The following ACOX1 variants were observed in gnomAD, a reference collection of about 807,000 sequenced individuals.
The protein encoded by ACOX1 is acyl-CoA oxidase 1.
A neutral mutation model predicts 75.5 loss-of-function variants in ACOX1; 41 were observed. The observed-to-expected ratio is 0.54, with a 90% CI of 0.42 to 0.70. The LOEUF (loss-of-function observed/expected upper bound fraction) is 0.70. ACOX1 is among the 30% of genes least tolerant of loss of function. The pLI, the probability that ACOX1 is intolerant of heterozygous loss-of-function variation, is 0.00. For synonymous variants in ACOX1, 303 were observed against 298.8 expected (o/e 1.01, Z -0.15); for missense variants, 630 against 837.5 (o/e 0.75, Z 3.06).
At chr17:75,963,230 T>C (rs2065901876) in intron 2 of ACOX1, among the ~76,000 whole-genome samples, 2 of 152,042 alleles carry the variant, frequency 1.3e-5, no homozygotes, top group Admixed American at 6.6e-5. Flanking sequence ...GGGTACTATG[T>C]TCACTATTTG....
At chr17:75,959,607 G>A (rs1041209675) in intron 3 of ACOX1, among the ~76,000 whole-genome samples, 1 of 152,166 alleles carries the variant, frequency 6.6e-6, no homozygotes, top group South Asian at 2.1e-4. Flanking sequence ...AAAGCAGGTG[G>A]GGGGTGGAAA....
intron 4 of ACOX1, among the ~76,000 whole-genome samples, chr17:75,957,046 C>T (rs1218462845): frequency 6.7e-6 from 1 of 148,702 alleles, no homozygotes; most frequent in Non-Finnish European, 1.5e-5. Context: ...TACACACACA[C>T]ACACCCCTCT....
At position 75,958,726 on chromosome 17, in the gene ACOX1, T is replaced by C. The variant is rs568142802; in HGVS notation, c.431-1160A>G. Among the ~76,000 whole-genome samples, 4 of 149,116 alleles carry C rather than the reference T, an allele frequency of 2.7e-5. No homozygotes were observed. The East Asian group carries it at 5.9e-4, about 22-fold the overall frequency. The stretch of plus-strand genomic sequence containing the variant: ...GGGAGGCTGAGGCAGGAGAATGGCG[T>C]GAACCCGGAAGGTGGAGCTTGCAGT... On this transcript the variant is annotated intron_variant, in intron 3 of 13. Transcript: ENST00000293217.
chr17:75,969,435 G>A (rs796075248), intron 2 of ACOX1, among the ~76,000 whole-genome samples: 13 of 152,256 alleles, frequency 8.5e-5, no homozygotes, highest in African/African-American at 3.1e-4. Context: ...CAAAGTGCTG[G>A]GATTACAGGC....
chr17:75,956,971 C>A (rs7217766), intron 4 of ACOX1, among the ~76,000 whole-genome samples: 107 of 34,226 alleles, frequency 3.1e-3, no homozygotes, highest in Admixed American at 3.8e-3. Context: ...CTCTCTCTCT[C>A]TATATATATA....
At chr17:75,962,567 G>GA (rs1415088863) in intron 2 of ACOX1, among the ~76,000 whole-genome samples, 1 of 152,134 alleles carries the variant, frequency 6.6e-6, no homozygotes, top group Non-Finnish European at 1.5e-5. Flanking sequence ...GCAAGGTAGG[G>GA]AGGAAAAGAA....
chr17:75,955,191 G>T (rs374208422), intron 6 of ACOX1, among the ~76,000 whole-genome samples: 4 of 151,398 alleles, frequency 2.6e-5, no homozygotes, highest in Admixed American at 1.3e-4. Context: ...TTGAGACAAG[G>T]TCTCACTGTC....
At chr17:75,974,410 C>A (rs2066024888) in intron 2 of ACOX1, among the ~76,000 whole-genome samples, 1 of 152,170 alleles carries the variant, frequency 6.6e-6, no homozygotes, top group African/African-American at 2.4e-5. Context: ...ATGAACATTA[C>A]TACGGATTAA....
At chr17:75,955,171 CT>C (rs57362791) in intron 6 of ACOX1, among the ~76,000 whole-genome samples, 8,969 of 145,712 alleles carry the variant, frequency 0.062, 773 homozygotes, top group African/African-American at 0.2. Context: ...GCCCAGCCTC[CT>C]TTTTTTTTTT....
In ACOX1 at chr17:75,942,428, T is replaced by TC. The variant is rs1309267690; in HGVS notation, c.*4319dup. On this transcript the variant is annotated 3_prime_UTR_variant, in exon 14 of 14. Transcript: ENST00000293217. ...CTGGGTGAAAGAGCAAGACAACGTC[T>TC]CAAAAAAAAAAAAAAAAAAAAAAGC... 226 of 34,286 alleles carry TC rather than the reference T, an allele frequency of 6.6e-3. 1 individual carries two copies. Among genetic ancestry groups the TC allele is most frequent in the African/African-American group, 0.042 (214 of 5,128 alleles). 2.1% of individuals were successfully genotyped at this position (34,286 alleles called of 1,614,324 possible).
At chr17:75,958,762 C>T (rs1209927899) in intron 3 of ACOX1, among the ~76,000 whole-genome samples, 3 of 147,688 alleles carry the variant, frequency 2.0e-5, no homozygotes, top group Non-Finnish European at 3.0e-5. Flanking sequence ...GAGCTGAGAT[C>T]GCGCCACTGC....
At position 75,951,597 on chromosome 17, in the gene ACOX1, A is replaced by T; in HGVS notation, c.945-20T>A. The T allele has an allele frequency of 6.2e-7, 1 of 1,612,962 alleles. No homozygotes were observed. The highest frequency in any genetic ancestry group is 8.5e-7 in the Non-Finnish European group (1 of 1,179,186). On this transcript the variant is annotated intron_variant, in intron 7 of 13. Transcript: ENST00000293217. ...GGTTCACTACGTGACATAGAAAAAG[A>T]AAAAAAGTAGTAAGTAAATGTTTAT...
In ACOX1 at chr17:75,944,201, TC is replaced by T. The variant is rs1257183383; in HGVS notation, c.*2546del. The T allele has an allele frequency of 6.6e-6, 1 of 152,174 alleles. No individual in the cohort carries two copies. The highest frequency in any genetic ancestry group is 1.5e-5 in the Non-Finnish European group (1 of 68,034). 9.4% of individuals were successfully genotyped at this position (152,174 alleles called of 1,614,324 possible). On this transcript the variant is annotated 3_prime_UTR_variant, in exon 14 of 14. Coordinates refer to ENST00000293217, the MANE Select transcript of ACOX1 (RefSeq NM_004035.7). ...GTAAGCCAAGATCCCACCACTGCAC[TC>T]CAGTCTGGGTGACAGTGATACCCTG...
At chr17:75,958,537 G>C (rs1014960585) in intron 3 of ACOX1, among the ~76,000 whole-genome samples, 3 of 143,698 alleles carry the variant, frequency 2.1e-5, no homozygotes, top group Admixed American at 6.8e-5. Context: ...AGCTGGGCAC[G>C]GTGGCTCACG....
rs1000905469 is a variant in ACOX1, at chr17:75,946,320, G to C, written c.*428C>G. The C allele has an allele frequency of 8.8e-6, 2 of 227,804 alleles. No homozygotes were observed. The highest frequency in any genetic ancestry group is 4.7e-5 in the African/African-American group (2 of 42,698). 14.1% of individuals were successfully genotyped at this position (227,804 alleles called of 1,614,324 possible). A position where few individuals can be genotyped will look rare whatever the true frequency, so the allele number is the denominator to read the frequency against. On this transcript the variant is annotated 3_prime_UTR_variant, in exon 14 of 14. Coordinates refer to ENST00000293217, the MANE Select transcript of ACOX1 (RefSeq NM_004035.7). ...TAAGCCAGGCCCCAGGGTAAGTCTG[G>C]TAGAACACTGAGCAGGAAAGCTTGG... is the stretch of plus-strand genomic sequence containing the variant.
Position 75,948,382 on chromosome 17 carries a change from C to G in ACOX1, c.1804G>C (p.Asp602His), listed in dbSNP as rs772874723. The change falls in exon 13 of 14, where the codon GAT (aspartate) becomes CAT (histidine). Residue 602 changes from aspartate to histidine, a missense_variant. This residue lies in a region of ACOX1 where 240 missense variants were observed against 262.7 expected (regional missense o/e 0.91). Coordinates refer to ENST00000293217, the MANE Select transcript of ACOX1 (RefSeq NM_004035.7). ...VKELLTLIRSDAVALVDAFDF... is the reference protein window; with the variant it reads ...VKELLTLIRSHAVALVDAFDF... The stretch of plus-strand genomic sequence containing the variant: ...AATGCATCAACCAAAGCAACAGCAT[C>G]TGAGCGAATCAGAGTGAGTAACTCC... 4 of 1,614,080 alleles carry G rather than the reference C, an allele frequency of 2.5e-6. No individual in the cohort carries two copies. Among genetic ancestry groups the G allele is most frequent in the Non-Finnish European group, 3.4e-6 (4 of 1,180,040 alleles).
rs558166073 is a variant in ACOX1, at chr17:75,966,208, C to T, written c.270-5833G>A. Among the ~76,000 whole-genome samples, 14 of 151,850 alleles carry T rather than the reference C, an allele frequency of 9.2e-5. No individual in the cohort carries two copies. In the East Asian group the frequency reaches 1.5e-3, roughly 17 times the overall value. Reference sequence around the variant, plus strand: ...GTGCGGTGGCTCGTGCCTGTAATCCCAGCACTTTGGGAGGCTGAGGTGGGT... The same window carrying T: ...GTGCGGTGGCTCGTGCCTGTAATCCTAGCACTTTGGGAGGCTGAGGTGGGT... On this transcript the variant is annotated intron_variant, in intron 2 of 13. Coordinates refer to ENST00000293217, the MANE Select transcript of ACOX1 (RefSeq NM_004035.7).
Position 75,960,909 on chromosome 17 carries a change from C to T in ACOX1, c.270-534G>A, listed in dbSNP as rs1156876673. Among the ~76,000 whole-genome samples the T allele has an allele frequency of 6.6e-6, 1 of 152,052 alleles. No individual in the cohort carries two copies. The highest frequency in any genetic ancestry group is 1.5e-5 in the Non-Finnish European group (1 of 68,014). ...AGGAAAATCGCTTGAACCTAGGAGG[C>T]GGAGGTTGCAGTGAGCCGAGATCAT... is the stretch of plus-strand genomic sequence containing the variant. On this transcript the variant is annotated intron_variant, in intron 2 of 13. Transcript: ENST00000293217. The surrounding 1 kb of genome is among the most constrained non-coding windows in gnomAD (Gnocchi z 4.4).
chr17:75,964,040 T>C (rs1307751205), intron 2 of ACOX1, among the ~76,000 whole-genome samples: 1 of 151,734 alleles, frequency 6.6e-6, no homozygotes, highest in Non-Finnish European at 1.5e-5. Context: ...AAAAATTAGC[T>C]GGGCATGGTG....
Sources: gnomAD v4.1 joint callset for allele counts (sites outside exome capture counted in the v4.1 genomes callset) on GRCh38, gnomAD v4.1.1 for gene constraint, gnomAD v4.1.1 regional missense constraint, Gnocchi (gnomAD v3.1) non-coding constraint, MANE v1.5 for transcripts, NCBI Gene and HGNC (gene_info 2026-07-23, HGNC 2026-07-21) for gene names.